Variants in BNIP2 observed in about 807,000 individuals in gnomAD.
The protein encoded by BNIP2 is BCL2 interacting protein 2, also known as BCL2/adenovirus E1B 19 kDa protein-interacting protein 2.
Under a neutral mutation model 43.4 loss-of-function variants are expected in BNIP2, and 36 were observed. That is an observed-to-expected ratio of 0.83 (90% CI 0.64 to 1.10). The LOEUF is 1.10. Among genes scored for constraint, BNIP2 ranks in the 50% least tolerant of loss-of-function variants. The pLI, the probability that BNIP2 is intolerant of heterozygous loss-of-function variation, is 0.00. For missense variants in BNIP2, 417 were observed against 374.1 expected (o/e 1.11, Z -0.95); for synonymous variants, 146 against 121.0 (o/e 1.21, Z -1.35).
intron 5 of BNIP2, among the ~76,000 whole-genome samples, chr15:59,675,206 G>A (rs1431123320): frequency 6.8e-6 from 1 of 147,586 alleles, no homozygotes; most frequent in East Asian, 2.0e-4. Flanking sequence ...CCGAGATTGC[G>A]CCACTGCACT....
At chr15:59,686,743 A>G (rs11071470) in intron 1 of BNIP2, among the ~76,000 whole-genome samples, 152,227 of 152,346 alleles carry the variant, frequency 1, 76,054 homozygotes, top group Non-Finnish European at 1. Context: ...CAAGCCGGGC[A>G]TGGTGGCTCA....
rs563073824 is a variant in BNIP2, at chr15:59,686,955, T to C, written c.-58+2180A>G. Among the ~76,000 whole-genome samples the C allele has an allele frequency of 5.2e-4, 79 of 152,280 alleles. 2 individuals carry two copies. In the Middle Eastern group the frequency reaches 0.01, roughly 20 times the overall value. ...TCGCTTGAACCTGGGAGGCAGAGGT[T>C]GCAGTGAGCCGAGATTGCGCCATTG... On this transcript the variant is annotated intron_variant, in intron 1 of 9. Coordinates refer to ENST00000607373, the MANE Select transcript of BNIP2 (RefSeq NM_004330.4).
chr15:59,672,122 C>T (rs993252587), intron 6 of BNIP2: 1 of 152,172 alleles, frequency 6.6e-6, no homozygotes, highest in Non-Finnish European at 1.5e-5. Flanking sequence ...AGATATATTT[C>T]CCAGTTTTAA....
chr15:59,682,498 T>C lies in BNIP2; in HGVS notation c.-41A>G, dbSNP rs1893748737. The C allele has an allele frequency of 6.2e-7, 1 of 1,612,898 alleles. No homozygotes were observed. Among genetic ancestry groups the C allele is most frequent in the East Asian group, 2.2e-5 (1 of 44,864 alleles). On this transcript the variant is annotated 5_prime_UTR_variant, in exon 2 of 10. Coordinates refer to ENST00000607373, the MANE Select transcript of BNIP2 (RefSeq NM_004330.4). ...AATGTCAACTACAAACTCTTGATAATCCAGGGAGCCAATGTCCTATGAAGA... is the reference window on the plus strand; with the variant it reads ...AATGTCAACTACAAACTCTTGATAACCCAGGGAGCCAATGTCCTATGAAGA...
chr15:59,665,385 G>C (rs1480089644), intron 9 of BNIP2: 1 of 152,780 alleles, frequency 6.5e-6, no homozygotes, highest in Non-Finnish European at 1.5e-5. Context: ...GCCGAGGCGG[G>C]CGGACTGCTT....
At chr15:59,682,603 T>C (rs1456290012) in intron 1 of BNIP2, 89 bp from the exon 2 acceptor site, 3 of 1,042,344 alleles carry the variant, frequency 2.9e-6, no homozygotes, top group African/African-American at 1.6e-5. Context: ...TAGTTCATAC[T>C]TGATGTTTAG....
chr15:59,682,603 T>A, intron 1 of BNIP2, 89 bp from the exon 2 acceptor site: 1 of 1,042,458 alleles, frequency 9.6e-7, no homozygotes, highest in East Asian at 2.6e-5. Context: ...TAGTTCATAC[T>A]TGATGTTTAG....
At chr15:59,664,448 C>A (rs1422728637) in intron 9 of BNIP2, among the ~76,000 whole-genome samples, 1 of 152,102 alleles carries the variant, frequency 6.6e-6, no homozygotes, top group Non-Finnish European at 1.5e-5. Context: ...GTGGCACAAT[C>A]TCAGCTCGCT....
intron 1 of BNIP2, chr15:59,688,903 G>C: frequency 6.8e-7 from 1 of 1,469,676 alleles, no homozygotes; most frequent in Non-Finnish European, 8.9e-7. Flanking sequence ...CGGGGTGGGG[G>C]GCCAAACTGC....
At chr15:59,674,117 A>C in intron 5 of BNIP2, among the ~76,000 whole-genome samples, 1 of 151,950 alleles carries the variant, frequency 6.6e-6, no homozygotes, top group East Asian at 1.9e-4. Flanking sequence ...CAAAAACAAA[A>C]AAACAAACTA....
chr15:59,664,530 C>G (rs533112671), intron 9 of BNIP2, among the ~76,000 whole-genome samples: 8 of 151,898 alleles, frequency 5.3e-5, no homozygotes, highest in African/African-American at 1.9e-4. Context: ...TACAGGCGCC[C>G]GCCACCATGC....
In BNIP2 at chr15:59,680,309, C is replaced by A; in HGVS notation, c.51-1G>T. ...AATACTATCATCTTCTGGTAAAGGTCTAGAAGACACAGGCATACTTTTTAA... is the reference window on the plus strand; with the variant it reads ...AATACTATCATCTTCTGGTAAAGGTATAGAAGACACAGGCATACTTTTTAA... On this transcript the variant is annotated splice_acceptor_variant, in intron 2 of 9. Coordinates refer to ENST00000607373, the MANE Select transcript of BNIP2 (RefSeq NM_004330.4). LOFTEE classifies it high-confidence loss of function. 1.3e-6 allele frequency: 2 copies of A among 1,593,168 alleles called. No individual in the cohort carries two copies. Among genetic ancestry groups the A allele is most frequent in the South Asian group, 1.1e-5 (1 of 87,660 alleles).
At position 59,668,917 on chromosome 15, in the gene BNIP2, C is replaced by T. The variant is rs368146942; in HGVS notation, c.868G>A (p.Val290Ile). ...TGTTTTATGCATTCTGGTATGCCAA[C>T]GTATTCCATGGGGACAAGTTCTGCT... ...ELAELVPMEY[V>I]GIPECIKQVD... The change falls in exon 9 of 10, where the codon GTT becomes ATT. Residue 290 changes from valine (V) to isoleucine (I), a missense_variant. Val to Ile is a conservative substitution (Grantham distance 29). Transcript: ENST00000607373. The T allele has an allele frequency of 1.5e-5, 24 of 1,613,544 alleles. No individual in the cohort carries two copies. The highest frequency in any genetic ancestry group is 8.3e-5 in the Admixed American group (5 of 59,992).
Position 59,689,239 on chromosome 15 carries a change from C to T in BNIP2, c.-162G>A, listed in dbSNP as rs1894225658. On this transcript the variant is annotated 5_prime_UTR_variant, in exon 1 of 10. Transcript: ENST00000607373. ...GCAGGGCCGAGCGGAGCCCGCTCCCCTCGGTCGGCGGTGGAGACCCCGGCC... is the reference window on the plus strand; with the variant it reads ...GCAGGGCCGAGCGGAGCCCGCTCCCTTCGGTCGGCGGTGGAGACCCCGGCC... 1.9e-6 allele frequency: 3 copies of T among 1,542,582 alleles called. No individual in the cohort carries two copies. Among genetic ancestry groups the T allele is most frequent in the Non-Finnish European group, 1.7e-6 (2 of 1,146,200 alleles).
At chr15:59,674,784 C>T (rs1198863508) in intron 5 of BNIP2, among the ~76,000 whole-genome samples, 1 of 152,064 alleles carries the variant, frequency 6.6e-6, no homozygotes, top group Non-Finnish European at 1.5e-5. Context: ...TTACAATGTG[C>T]CTAGGTTAAC....
intron 7 of BNIP2, 139 bp downstream of exon 7, chr15:59,671,044 G>A: frequency 2.6e-6 from 2 of 784,258 alleles, no homozygotes; most frequent in South Asian, 2.0e-5. Flanking sequence ...TTGCACTCCA[G>A]CCTGGGCAAC....
At position 59,662,967 on chromosome 15, in the gene BNIP2, G is replaced by GT. The variant is rs1447258493; in HGVS notation, c.*1101_*1102insA. On this transcript the variant is annotated 3_prime_UTR_variant, in exon 10 of 10. Coordinates refer to ENST00000607373, the MANE Select transcript of BNIP2 (RefSeq NM_004330.4). ...ATCCAAAACAGCACAATATGATGATGCTAAGACTTACAAAATTAACCTAAT... is the reference window on the plus strand; with the variant it reads ...ATCCAAAACAGCACAATATGATGATGTCTAAGACTTACAAAATTAACCTAAT... The GT allele has an allele frequency of 6.6e-6, 1 of 152,458 alleles. No individual in the cohort carries two copies. Among genetic ancestry groups the GT allele is most frequent in the Non-Finnish European group, 1.5e-5 (1 of 68,032 alleles). The allele number at this position is 152,458 out of a possible 1,614,324, so 9.4% of individuals were successfully genotyped here.
chr15:59,688,822 G>A (rs1043855037), intron 1 of BNIP2: 2 of 1,428,498 alleles, frequency 1.4e-6, no homozygotes, highest in African/African-American at 2.9e-5. Context: ...CCACACCAGG[G>A]TAAAAGGGTG....
Position 59,659,647 on chromosome 15 carries a change from G to C in BNIP2, c.*4422C>G, listed in dbSNP as rs567052209. ...CAAAAAGTGCAGTGTAGAAGCTGAT[G>C]AATGTTATTTTCCAAGTTCCTCCTT... On this transcript the variant is annotated 3_prime_UTR_variant, in exon 10 of 10. Coordinates refer to ENST00000607373, the MANE Select transcript of BNIP2 (RefSeq NM_004330.4). The C allele has an allele frequency of 6.6e-6, 1 of 152,312 alleles. No homozygotes were observed. The highest frequency in any genetic ancestry group is 1.9e-4 in the East Asian group (1 of 5,194). The allele number at this position is 152,312 out of a possible 1,614,324, so 9.4% of individuals were successfully genotyped here.
Sources: gnomAD v4.1 joint callset for allele counts (sites outside exome capture counted in the v4.1 genomes callset) on GRCh38, gnomAD v4.1.1 for gene constraint, MANE v1.5 for transcripts, NCBI Gene and HGNC (gene_info 2026-07-23, HGNC 2026-07-21) for gene names.